The following PLD5 variants were observed in gnomAD, a reference collection of about 807,000 sequenced individuals.
PLD5 encodes the protein phospholipase D family member 5.
A neutral mutation model predicts 61.1 loss-of-function variants in PLD5; 36 were observed. The observed-to-expected ratio is 0.59, with a 90% CI of 0.45 to 0.78. The LOEUF is 0.78. Ranked by LOEUF, PLD5 falls within the 30% of genes least tolerant of loss-of-function variation. The probability of loss-of-function intolerance (pLI) is 0.00; values close to 1 mark genes in which losing one functional copy is unlikely to be tolerated. For synonymous variants in PLD5, 243 were observed against 242.8 expected (o/e 1.00, Z -0.01); for missense variants, 515 against 644.4 (o/e 0.80, Z 2.17).
rs868599319 is a variant in PLD5 at position 242,207,790 on chromosome 1, T to A, written c.735+12198A>T. Among the ~76,000 whole-genome samples the A allele has an allele frequency of 8.6e-3, 324 of 37,690 alleles. 20 individuals carry two copies. The highest frequency in any genetic ancestry group is 0.01 in the African/African-American group (56 of 5,466). The allele number at this position is 37,690 out of a possible 152,430, so 24.7% of individuals were successfully genotyped here. ...TATATATATTTATATATATTTATAT[T>A]TATATATATTTATATATATTTATAT... On this transcript the variant is annotated intron_variant, in intron 5 of 9. Transcript: ENST00000536534.
At chr1:242,286,045 G>A (rs1675002417) in intron 3 of PLD5, among the ~76,000 whole-genome samples, 1 of 152,078 alleles carries the variant, frequency 6.6e-6, no homozygotes, top group South Asian at 2.1e-4. Flanking sequence ...GGAGGTGGAG[G>A]TTGCAGAGAG....
chr1:242,483,656 T>A (rs6702500), intron 1 of PLD5, among the ~76,000 whole-genome samples: 102,549 of 151,828 alleles, frequency 0.68, 35,437 homozygotes, highest in African/African-American at 0.82. Flanking sequence ...TCAACGAGAC[T>A]GAAAGTTAAC....
intron 1 of PLD5, among the ~76,000 whole-genome samples, chr1:242,360,245 T>A (rs1436646592): frequency 6.6e-6 from 1 of 152,154 alleles, no homozygotes; most frequent in South Asian, 2.1e-4. Flanking sequence ...TCCTACTTAG[T>A]ACATGTTCAT....
At chr1:242,173,867 CCCTT>C (rs1666933671) in intron 5 of PLD5, among the ~76,000 whole-genome samples, 2 of 152,106 alleles carry the variant, frequency 1.3e-5, no homozygotes, top group African/African-American at 4.8e-5. Context: ...GAAACTGGAT[CCCTT>C]CCTTACACCT....
intron 5 of PLD5, among the ~76,000 whole-genome samples, chr1:242,188,977 C>T (rs575398864): frequency 6.6e-6 from 1 of 152,112 alleles, no homozygotes; most frequent in East Asian, 1.9e-4. Flanking sequence ...GAATTATATG[C>T]TTTAAACAAA....
Position 242,439,678 on chromosome 1 carries a change from C to T in PLD5, c.189+84410G>A, listed in dbSNP as rs2055537. Among the ~76,000 whole-genome samples, 812 of 152,260 alleles carry T rather than the reference C, an allele frequency of 5.3e-3. 36 individuals carry two copies. The East Asian group carries it at 0.11, about 20-fold the overall frequency. ...TGCTCTATCTGGCCATCCAATTTTCCGTGAAGCACACTACGGACTGCAGGT... is the reference window on the plus strand; with the variant it reads ...TGCTCTATCTGGCCATCCAATTTTCTGTGAAGCACACTACGGACTGCAGGT... On this transcript the variant is annotated intron_variant, in intron 1 of 9. Transcript: ENST00000536534.
chr1:242,499,987 C>A (rs192845026), intron 1 of PLD5, among the ~76,000 whole-genome samples: 89 of 152,266 alleles, frequency 5.8e-4, no homozygotes, highest in Admixed American at 1.0e-3. Flanking sequence ...TTACCTGGGG[C>A]CTCTCAATAT....
chr1:242,325,066 C>T lies in PLD5; in HGVS notation c.326+23040G>A, dbSNP rs566120325. On this transcript the variant is annotated intron_variant, in intron 2 of 9. Coordinates refer to ENST00000536534, the MANE Select transcript of PLD5 (RefSeq NM_001372062.1). ...TAAACTCTTTCTCTATGGCAATTCC[C>T]GCGTCTCAATAAATTGGCTCTATCT... 1.2e-4 allele frequency among the ~76,000 whole-genome samples: 18 copies of T among 152,184 alleles called. No individual in the cohort carries two copies. The South Asian group carries it at 1.5e-3, about 12-fold the overall frequency.
intron 5 of PLD5, among the ~76,000 whole-genome samples, chr1:242,156,918 A>C (rs1010521712): frequency 6.6e-6 from 1 of 152,260 alleles, no homozygotes; most frequent in African/African-American, 2.4e-5. Flanking sequence ...AGGCTGGGGA[A>C]GTTCTCCTGG....
intron 5 of PLD5, among the ~76,000 whole-genome samples, chr1:242,216,160 G>T (rs966411251): frequency 2.0e-5 from 3 of 152,196 alleles, no homozygotes; most frequent in Non-Finnish European, 4.4e-5. Context: ...TATGTTATTT[G>T]CTAATTCTAG....
intron 1 of PLD5, among the ~76,000 whole-genome samples, chr1:242,416,602 T>A (rs1664846293): frequency 1.3e-5 from 2 of 152,242 alleles, no homozygotes; most frequent in South Asian, 4.1e-4. Context: ...TTACCCTATT[T>A]GAAGTCGTTA....
chr1:242,344,071 T>C (rs540197588), intron 2 of PLD5, among the ~76,000 whole-genome samples: 49 of 152,352 alleles, frequency 3.2e-4, no homozygotes, highest in Middle Eastern at 3.4e-3. Context: ...TTGCTATCTC[T>C]AGTAACAATC....
chr1:242,234,949 G>A (rs890112841), intron 4 of PLD5, among the ~76,000 whole-genome samples: 27 of 152,104 alleles, frequency 1.8e-4, no homozygotes, highest in Admixed American at 3.9e-4. Context: ...ATGCCACTTA[G>A]CAGCTAAGTG....
chr1:242,423,463 T>C (rs1572121078), intron 1 of PLD5, among the ~76,000 whole-genome samples: 1 of 152,094 alleles, frequency 6.6e-6, no homozygotes, highest in South Asian at 2.1e-4. Flanking sequence ...ATGTCACTTA[T>C]ACTCAGACAC....
intron 2 of PLD5, among the ~76,000 whole-genome samples, chr1:242,335,148 G>A (rs1332902075): frequency 6.6e-6 from 1 of 151,318 alleles, no homozygotes; most frequent in African/African-American, 2.4e-5. Flanking sequence ...CAATATTCAG[G>A]GCTGCTGCCA....
intron 3 of PLD5, among the ~76,000 whole-genome samples, chr1:242,271,201 C>G (rs867734988): frequency 5.9e-5 from 6 of 102,076 alleles, no homozygotes; most frequent in African/African-American, 2.7e-4. Flanking sequence ...CACACACACA[C>G]AGAGAGAGAG....
At chr1:242,219,648 T>A (rs138345186) in intron 5 of PLD5, among the ~76,000 whole-genome samples, 3 of 152,346 alleles carry the variant, frequency 2.0e-5, no homozygotes, top group African/African-American at 7.2e-5. Context: ...CTCTACTGAA[T>A]TTTTGTGTTT....
chr1:242,295,062 G>A (rs1047011597), intron 2 of PLD5, among the ~76,000 whole-genome samples: 3 of 152,122 alleles, frequency 2.0e-5, no homozygotes, highest in Non-Finnish European at 4.4e-5. Context: ...AGATGATCTC[G>A]GCTCATCAAT....
chr1:242,231,755 T>C (rs965061338), intron 4 of PLD5, among the ~76,000 whole-genome samples: 11 of 151,978 alleles, frequency 7.2e-5, no homozygotes, highest in African/African-American at 2.4e-4. Flanking sequence ...TAATATAGGA[T>C]TGGCAGCACT....
Sources: allele counts gnomAD v4.1 joint callset (sites outside exome capture counted in the v4.1 genomes callset), GRCh38; gene constraint gnomAD v4.1.1; transcripts MANE v1.5; gene names NCBI Gene and HGNC (gene_info 2026-07-23, HGNC 2026-07-21).